The following RDH14 variants were observed in gnomAD, a reference collection of about 807,000 sequenced individuals.
The protein encoded by RDH14 is retinol dehydrogenase 14.
RDH14 carries 17 observed loss-of-function variants against 19.3 expected under a neutral mutation model. That is an observed-to-expected ratio of 0.88 (90% CI 0.60 to 1.32). The LOEUF (loss-of-function observed/expected upper bound fraction) is 1.32, where lower values mean the gene tolerates loss of function less well. Ranked by LOEUF, RDH14 falls within the 40% of genes most tolerant of loss-of-function variation. The pLI, the probability that RDH14 is intolerant of heterozygous loss-of-function variation, is 0.00. For synonymous variants in RDH14, 215 were observed against 188.9 expected (o/e 1.14, Z -1.13); for missense variants, 534 against 449.2 (o/e 1.19, Z -1.71).
rs879491914 is a variant in RDH14 at position 18,555,372 on chromosome 2, T to C, written c.830A>G (p.Lys277Arg). 1.9e-6 allele frequency: 3 copies of C among 1,613,918 alleles called. No individual in the cohort carries two copies. Among genetic ancestry groups the C allele is most frequent in the African/African-American group, 1.3e-5 (1 of 74,890 alleles). Residue 277 changes from lysine (K) to arginine (R), a missense_variant, in exon 2 of 2, where the codon AAA becomes AGA. Transcript: ENST00000381249. ...LFNLVSWAFF[K>R]TPVEGAQTSI... ...AGTCTGGGCACCTTCTACTGGAGTT[T>C]TGAAAAAAGCCCATGACACCAAATT...
intron 1 of RDH14, among the ~76,000 whole-genome samples, 179 bp from the exon 2 acceptor site, chr2:18,555,987 T>G (rs968787356): frequency 6.6e-6 from 1 of 152,192 alleles, no homozygotes; most frequent in East Asian, 1.9e-4. Context: ...TTGTGTTTAA[T>G]AAATGGGGAA....
rs981042651 is a variant in RDH14 at position 18,560,623 on chromosome 2, G to C, written c.-51C>G. The C allele has an allele frequency of 2.2e-6, 3 of 1,384,218 alleles. No individual in the cohort carries two copies. Among genetic ancestry groups the C allele is most frequent in the Non-Finnish European group, 2.8e-6 (3 of 1,079,166 alleles). The allele number at this position is 1,384,218 out of a possible 1,614,324, so 85.7% of individuals were successfully genotyped here. On this transcript the variant is annotated 5_prime_UTR_variant, in exon 1 of 2. Coordinates refer to ENST00000381249, the MANE Select transcript of RDH14 (RefSeq NM_020905.4). ...CCTCCACGGGAGTTCCGCAGCCGCC[G>C]CCTTACCGGAACCCAAGAGACCACC...
intron 1 of RDH14, 152 bp from the exon 2 acceptor site, chr2:18,555,960 T>G (rs1053531344): frequency 5.7e-5 from 75 of 1,320,172 alleles, no homozygotes; most frequent in Non-Finnish European, 6.9e-5. Flanking sequence ...AGAGAACTAC[T>G]TGAAACACTG....
chr2:18,555,935 G>A, intron 1 of RDH14, 127 bp from the exon 2 acceptor site: 1 of 1,441,448 alleles, frequency 6.9e-7, no homozygotes, highest in Non-Finnish European at 9.2e-7. Context: ...AATTTCAGTT[G>A]TTGGTCTATC....
rs762685241 is a variant in RDH14, at chr2:18,555,310, C to T, written c.892G>A (p.Val298Met). ...YLASSPEVEG[V>M]SGRYFGDCKE... ...CAATCCCCAAAGTATCTTCCTGACA[C>T]TCCTTCTACCTCAGGTGAAGAGGCC... Residue 298 changes from valine to methionine, a missense_variant, in exon 2 of 2, where the codon GTG (valine) becomes ATG (methionine). Transcript: ENST00000381249. 1.2e-6 allele frequency: 2 copies of T among 1,614,104 alleles called. No homozygotes were observed. Among genetic ancestry groups the T allele is most frequent in the East Asian group, 2.2e-5 (1 of 44,878 alleles).
chr2:18,555,533 A>G lies in RDH14; in HGVS notation c.669T>C (p.Ala223=). 2 of 1,614,212 alleles carry G rather than the reference A, an allele frequency of 1.2e-6. No homozygotes were observed. The highest frequency in any genetic ancestry group is 1.3e-5 in the African/African-American group (1 of 75,064). ...CTAGTTCCCTGGTAAAAAGAATGTT[A>G]GCCAGTTTGCTCCGGCTATAACAAA... is the stretch of plus-strand genomic sequence containing the variant. ...KSFCYSRSKL[A]NILFTRELAR... is the part of the protein sequence containing the mutation. The change falls in exon 2 of 2, where the codon GCT becomes GCC. Residue 223 remains alanine, a synonymous_variant. Transcript: ENST00000381249.
Position 18,555,671 on chromosome 2 carries a change from T to A in RDH14, c.531A>T (p.Gly177=), listed in dbSNP as rs1450328764. ...GHFLLTNLLL[G]LLKSSAPSRI... is the part of the protein sequence containing the mutation. ...TGCTGGGAGCTGAACTTTTGAGGAG[T>A]CCAAGGAGAAGATTGGTGAGTAGAA... Residue 177 remains glycine (G), a synonymous_variant, in exon 2 of 2, where the codon GGA becomes GGT. Transcript: ENST00000381249. 6 of 1,613,938 alleles carry A rather than the reference T, an allele frequency of 3.7e-6. No individual in the cohort carries two copies. In the East Asian group the frequency reaches 1.1e-4, roughly 30 times the overall value.
rs746541570 is a variant in RDH14 at position 18,560,115 on chromosome 2, C to T, written c.393+65G>A. 8 of 1,476,686 alleles carry T rather than the reference C, an allele frequency of 5.4e-6. No individual in the cohort carries two copies. In the South Asian group the frequency reaches 7.6e-5, roughly 14 times the overall value. The allele number at this position is 1,476,686 out of a possible 1,614,324, so 91.5% of individuals were successfully genotyped here. ...GCGGTCCCTCGCGGCTCAGCCCCAG[C>T]CCGCAGTCCCCTCCCACACCGTGCC... On this transcript the variant is annotated intron_variant, in intron 1 of 1. Coordinates refer to ENST00000381249, the MANE Select transcript of RDH14 (RefSeq NM_020905.4).
Position 18,555,689 on chromosome 2 carries a change from G to A in RDH14, c.513C>T (p.Leu171=). The change falls in exon 2 of 2, where the codon CTC becomes CTT. Residue 171 remains leucine, a synonymous_variant. Transcript: ENST00000381249. ...TGAGGAGTCCAAGGAGAAGATTGGT[G>A]AGTAGAAAGTGCCCCAGATGGTTCA... ...FGVNHLGHFL[L]TNLLLGLLKS... is the part of the protein sequence containing the mutation. 6.2e-7 allele frequency: 1 copy of A among 1,614,140 alleles called. No homozygotes were observed. Among genetic ancestry groups the A allele is most frequent in the South Asian group, 1.1e-5 (1 of 91,076 alleles).
At chr2:18,557,692 G>C (rs1472134093) in intron 1 of RDH14, among the ~76,000 whole-genome samples, 2 of 151,930 alleles carry the variant, frequency 1.3e-5, no homozygotes, top group African/African-American at 4.8e-5. Flanking sequence ...GAGCCAGGCA[G>C]GAACAGAAAT....
Position 18,554,948 on chromosome 2 carries a change from G to C in RDH14, c.*243C>G, listed in dbSNP as rs1316008627. On this transcript the variant is annotated 3_prime_UTR_variant, in exon 2 of 2. Coordinates refer to ENST00000381249, the MANE Select transcript of RDH14 (RefSeq NM_020905.4). ...CCAGTTATAATTTTACAATATAATT[G>C]TATTTTTCATTGTACTTATTATTCA... The C allele has an allele frequency of 4.2e-5, 17 of 407,126 alleles. No homozygotes were observed. In the Admixed American group the frequency reaches 6.9e-4, roughly 16 times the overall value. The allele number at this position is 407,126 out of a possible 1,614,324, so 25.2% of individuals were successfully genotyped here.
At chr2:18,559,999 C>T (rs1479397740) in intron 1 of RDH14, among the ~76,000 whole-genome samples, 181 bp downstream of exon 1, 1 of 152,170 alleles carries the variant, frequency 6.6e-6, no homozygotes, top group Admixed American at 6.5e-5. Flanking sequence ...CTCTTTCCCT[C>T]TCAACCCTGC....
At chr2:18,556,010 G>A (rs1441691443) in intron 1 of RDH14, among the ~76,000 whole-genome samples, 3 of 152,150 alleles carry the variant, frequency 2.0e-5, no homozygotes, top group South Asian at 2.1e-4. Context: ...GGATTCCTCC[G>A]CAGGATGTTC....
At chr2:18,556,457 G>A (rs567179011) in intron 1 of RDH14, among the ~76,000 whole-genome samples, 1 of 152,202 alleles carries the variant, frequency 6.6e-6, no homozygotes, top group East Asian at 1.9e-4. Context: ...ATGCTTCTAT[G>A]AGCTTCCAAT....
chr2:18,558,685 T>C (rs1317998460), intron 1 of RDH14, among the ~76,000 whole-genome samples: 1 of 152,246 alleles, frequency 6.6e-6, no homozygotes, highest in Non-Finnish European at 1.5e-5. Context: ...AATGCTTATC[T>C]GATTGCTGAC....
At chr2:18,558,070 C>T (rs968579072) in intron 1 of RDH14, among the ~76,000 whole-genome samples, 2 of 152,324 alleles carry the variant, frequency 1.3e-5, no homozygotes, top group African/African-American at 4.8e-5. Context: ...ACAGCTTGAA[C>T]ATTACATTGT....
At position 18,560,501 on chromosome 2, in the gene RDH14, G is replaced by A. The variant is rs1056511343; in HGVS notation, c.72C>T (p.Phe24=). ...GCAGCCGCTGGACCCTGGGCCCCAC[G>A]AACCGGCGGGCCGCCAGCCACAGCG... ...GGALWLAARR[F]VGPRVQRLRR... Residue 24 remains phenylalanine (F), a synonymous_variant, in exon 1 of 2, where the codon TTC becomes TTT. Transcript: ENST00000381249. 3.3e-6 allele frequency: 5 copies of A among 1,512,546 alleles called. No homozygotes were observed. The highest frequency in any genetic ancestry group is 3.5e-6 in the Non-Finnish European group (4 of 1,138,438). The allele number at this position is 1,512,546 out of a possible 1,614,324, so 93.7% of individuals were successfully genotyped here.
chr2:18,558,965 C>T (rs1664000973), intron 1 of RDH14, among the ~76,000 whole-genome samples: 1 of 152,150 alleles, frequency 6.6e-6, no homozygotes, highest in Non-Finnish European at 1.5e-5. Flanking sequence ...AAGCTGTGCC[C>T]CGACCACCTT....
In RDH14 at chr2:18,560,646, A is replaced by G. The variant is rs1305106072; in HGVS notation, c.-74T>C. ...CCGCCTTACCGGAACCCAAGAGACC[A>G]CCTGTACGCGGAGAACGCTGGGGCG... is the stretch of plus-strand genomic sequence containing the variant. On this transcript the variant is annotated 5_prime_UTR_variant, in exon 1 of 2. Coordinates refer to ENST00000381249, the MANE Select transcript of RDH14 (RefSeq NM_020905.4). 14 of 1,360,020 alleles carry G rather than the reference A, an allele frequency of 1.0e-5. No homozygotes were observed. The East Asian group carries it at 3.4e-4, about 33-fold the overall frequency. 84.2% of individuals were successfully genotyped at this position (1,360,020 alleles called of 1,614,324 possible).
Sources: gnomAD v4.1 joint callset for allele counts (sites outside exome capture counted in the v4.1 genomes callset) on GRCh38, gnomAD v4.1.1 for gene constraint, MANE v1.5 for transcripts, NCBI Gene and HGNC (gene_info 2026-07-23, HGNC 2026-07-21) for gene names.